Variants in MITF observed in about 807,000 individuals in gnomAD.
MITF encodes the protein melanocyte inducing transcription factor.
Under a neutral mutation model 60.5 loss-of-function variants are expected in MITF, and 17 were observed. The observed-to-expected ratio is 0.28, with a 90% CI of 0.19 to 0.42. The LOEUF is 0.42. MITF is among the 10% of genes least tolerant of loss of function. MITF has a pLI of 1.00. For missense variants in MITF, 622 were observed against 683.5 expected, an observed-to-expected ratio of 0.91 and a Z score of 1.00; for synonymous variants, 260 against 248.5, an observed-to-expected ratio of 1.05 and a Z score of -0.43.
chr3:69,854,011 G>A (rs562835539), intron 1 of MITF, among the ~76,000 whole-genome samples: 184 of 151,888 alleles, frequency 1.2e-3, no homozygotes, highest in Admixed American at 2.5e-3. Flanking sequence ...CACCACGCCT[G>A]GCTAATTTTT....
At chr3:69,793,525 C>G (rs1459234002) in intron 1 of MITF, among the ~76,000 whole-genome samples, 1 of 152,216 alleles carries the variant, frequency 6.6e-6, no homozygotes, top group Non-Finnish European at 1.5e-5. Flanking sequence ...TCCCAATGCT[C>G]ATAGCATGCA....
At chr3:69,911,862 A>T (rs1279903744) in intron 2 of MITF, among the ~76,000 whole-genome samples, 1 of 152,212 alleles carries the variant, frequency 6.6e-6, no homozygotes, top group Non-Finnish European at 1.5e-5. Flanking sequence ...CAGTTTGGCA[A>T]TATTTAATAA....
chr3:69,902,905 T>G (rs1205271407), intron 2 of MITF, among the ~76,000 whole-genome samples: 1 of 152,186 alleles, frequency 6.6e-6, no homozygotes, highest in Non-Finnish European at 1.5e-5. Context: ...TGGTTTTGAA[T>G]TTTAAATTAC....
chr3:69,926,663 T>C (rs1017227017), intron 2 of MITF, among the ~76,000 whole-genome samples: 7 of 152,196 alleles, frequency 4.6e-5, no homozygotes, highest in African/African-American at 9.6e-5. Context: ...GCAGCTCCCA[T>C]GGTGGGGGGG....
At chr3:69,800,550 G>A (rs141456922) in intron 1 of MITF, among the ~76,000 whole-genome samples, 5 of 152,038 alleles carry the variant, frequency 3.3e-5, no homozygotes, top group African/African-American at 1.2e-4. Context: ...CTTACAGCAG[G>A]CAAACCACTT....
rs373565815 is a variant in MITF, at chr3:69,873,300, G to A, written c.105-5834G>A. The stretch of plus-strand genomic sequence containing the variant: ...CATCCTGAATCACTTTGGAAGGAAT[G>A]GAAAGTTTGAGATAACAGAAGTGCC... On this transcript the variant is annotated intron_variant, in intron 1 of 9. Transcript: ENST00000352241. Among the ~76,000 whole-genome samples the A allele has an allele frequency of 3.3e-5, 5 of 152,060 alleles. No individual in the cohort carries two copies. The East Asian group carries it at 9.7e-4, about 29-fold the overall frequency.
chr3:69,815,413 C>T lies in MITF; in HGVS notation c.105-63721C>T, dbSNP rs2063165954. Among the ~76,000 whole-genome samples the T allele has an allele frequency of 1.3e-5, 2 of 152,174 alleles. 1 individual carries two copies. ...TGCAAGACCAAACTCCCTCTTCCTTCTCCCCCTCAGCCTACTCAACATGAA... is the reference window on the plus strand; with the variant it reads ...TGCAAGACCAAACTCCCTCTTCCTTTTCCCCCTCAGCCTACTCAACATGAA... On this transcript the variant is annotated intron_variant, in intron 1 of 9. Transcript: ENST00000352241.
chr3:69,758,049 A>G (rs2062155368), intron 1 of MITF, among the ~76,000 whole-genome samples: 1 of 145,802 alleles, frequency 6.9e-6, no homozygotes, highest in Non-Finnish European at 1.5e-5. Flanking sequence ...GTGTCTATAT[A>G]TATAATACTC....
At chr3:69,743,764 A>G (rs1337792319) in intron 1 of MITF, among the ~76,000 whole-genome samples, 1 of 152,224 alleles carries the variant, frequency 6.6e-6, no homozygotes, top group Admixed American at 6.5e-5. Context: ...ACATAGGCAT[A>G]GTCATGGCAG....
At chr3:69,892,484 T>C (rs1362518374) in intron 2 of MITF, among the ~76,000 whole-genome samples, 1 of 152,206 alleles carries the variant, frequency 6.6e-6, no homozygotes, top group Non-Finnish European at 1.5e-5. Context: ...CTCTTGGTTT[T>C]GTGCATTCCA....
chr3:69,850,923 A>G (rs1559673666), intron 1 of MITF, among the ~76,000 whole-genome samples: 1 of 152,124 alleles, frequency 6.6e-6, no homozygotes. Flanking sequence ...TGGAGCCCCC[A>G]AGTGCTGGGC....
intron 1 of MITF, among the ~76,000 whole-genome samples, chr3:69,751,613 C>G: frequency 9.1e-6 from 1 of 109,564 alleles, no homozygotes; most frequent in South Asian, 2.8e-4. Flanking sequence ...CTGATCTGTT[C>G]TTGTTGTAAA....
chr3:69,797,432 T>C (rs1479866145), intron 1 of MITF, among the ~76,000 whole-genome samples: 11 of 152,164 alleles, frequency 7.2e-5, no homozygotes. Context: ...AGAAAAGAAA[T>C]GGATTCTTTT....
At chr3:69,797,687 T>C (rs1189898526) in intron 1 of MITF, among the ~76,000 whole-genome samples, 1 of 152,206 alleles carries the variant, frequency 6.6e-6, no homozygotes, top group Non-Finnish European at 1.5e-5. Flanking sequence ...CTGTACATTT[T>C]GTGAAGAATA....
chr3:69,965,011 C>A lies in MITF; in HGVS notation c.1344C>A (p.Leu448=). ...CAGACCTAACCTGTACAACAACTCTCGATCTCACGGATGGCACCATCACCT... is the reference window on the plus strand; with the variant it reads ...CAGACCTAACCTGTACAACAACTCTAGATCTCACGGATGGCACCATCACCT... ...HHADLTCTTT[L]DLTDGTITFN... is the part of the protein sequence containing the mutation. Residue 448 remains leucine, a synonymous_variant, in exon 10 of 10, where the codon CTC becomes CTA. Transcript: ENST00000352241. The A allele has an allele frequency of 1.2e-6, 2 of 1,614,112 alleles. No homozygotes were observed. Among genetic ancestry groups the A allele is most frequent in the South Asian group, 2.2e-5 (2 of 91,086 alleles).
intron 1 of MITF, among the ~76,000 whole-genome samples, chr3:69,821,813 G>A (rs945032552): frequency 9.9e-5 from 15 of 152,122 alleles, no homozygotes; most frequent in African/African-American, 2.9e-4. Flanking sequence ...GTGCAGCGAC[G>A]TGATCTCGGC....
At chr3:69,794,840 A>T (rs1016251663) in intron 1 of MITF, among the ~76,000 whole-genome samples, 2 of 152,198 alleles carry the variant, frequency 1.3e-5, no homozygotes. Flanking sequence ...CTTGAACTCC[A>T]CGGAAATGGA....
intron 2 of MITF, among the ~76,000 whole-genome samples, chr3:69,921,525 C>T (rs1348968431): frequency 6.6e-6 from 1 of 152,102 alleles, no homozygotes; most frequent in Non-Finnish European, 1.5e-5. Flanking sequence ...TTTTCCTGTC[C>T]ATCTGACTGT....
At chr3:69,964,082 T>C (rs1195878279) in intron 9 of MITF, among the ~76,000 whole-genome samples, 1 of 146,608 alleles carries the variant, frequency 6.8e-6, no homozygotes, top group Non-Finnish European at 1.5e-5. Flanking sequence ...GTTCAAACGA[T>C]TCTCCTGCCT....
Sources: gnomAD v4.1 joint callset for allele counts (sites outside exome capture counted in the v4.1 genomes callset) on GRCh38, gnomAD v4.1.1 for gene constraint, MANE v1.5 for transcripts, NCBI Gene and HGNC (gene_info 2026-07-23, HGNC 2026-07-21) for gene names.